TBC1D15: variants seen among roughly 807,000 people sequenced by gnomAD.
TBC1D15 encodes the protein GAP for RAB7.
In TBC1D15, 39 loss-of-function variants were observed where a neutral mutation model predicts 95.4. The observed-to-expected ratio is 0.41, with a 90% confidence interval of 0.32 to 0.53. The LOEUF is 0.53. Ranked by LOEUF, TBC1D15 falls within the 20% of genes least tolerant of loss-of-function variation. The probability of loss-of-function intolerance (pLI) is 0.29; values close to 1 mark genes in which losing one functional copy is unlikely to be tolerated. For synonymous variants in TBC1D15, 258 were observed against 261.3 expected, an observed-to-expected ratio of 0.99 and a Z score of 0.12; for missense variants, 733 against 794.3, an observed-to-expected ratio of 0.92 and a Z score of 0.93.
chr12:71,897,848 G>T lies in TBC1D15; in HGVS notation c.1090G>T (p.Asp364Tyr). The T allele has an allele frequency of 1.9e-6, 3 of 1,610,720 alleles. No individual in the cohort carries two copies. Among genetic ancestry groups the T allele is most frequent in the Non-Finnish European group, 2.5e-6 (3 of 1,177,578 alleles). ...TTGATGTCAAATTGTTTTCTATAGT[G>T]ATGAATACTTCAGAATGAAACTGCA... ...ERTQLQKQKT[D>Y]EYFRMKLQWK... The change falls in exon 10 of 17, where the codon GAT becomes TAT. Residue 364 changes from aspartate (D) to tyrosine (Y), a missense_variant and splice_region_variant. Physicochemically the swap from Asp to Tyr is radical, Grantham distance 160. Coordinates refer to ENST00000485960, the MANE Select transcript of TBC1D15 (RefSeq NM_001146213.3).
rs1359029892 is a variant in TBC1D15, at chr12:71,854,415, C to T, written c.30+14604C>T. On this transcript the variant is annotated intron_variant, in intron 1 of 16. Coordinates refer to ENST00000485960, the MANE Select transcript of TBC1D15 (RefSeq NM_001146213.3). ...CTATCTCTTCTGTACATCTTTTTTC[C>T]CCTTCAATCGTAGGCTGAATGTTTG... is the stretch of plus-strand genomic sequence containing the variant. The T allele has an allele frequency of 1.7e-5, 6 of 359,732 alleles. No homozygotes were observed. The East Asian group carries it at 3.7e-4, about 22-fold the overall frequency. The allele number at this position is 359,732 out of a possible 1,614,324, so 22.3% of individuals were successfully genotyped here.
intron 1 of TBC1D15, chr12:71,861,380 A>G: frequency 1.5e-6 from 2 of 1,302,022 alleles, no homozygotes; most frequent in Non-Finnish European, 2.0e-6. Flanking sequence ...ATTCAAACTT[A>G]CTGTACTGTA....
intron 1 of TBC1D15, among the ~76,000 whole-genome samples, chr12:71,844,700 A>G (rs1480787733): frequency 6.6e-6 from 1 of 152,198 alleles, no homozygotes; most frequent in Non-Finnish European, 1.5e-5. Context: ...ATTTACACCT[A>G]GTAGCTTGCT....
intron 6 of TBC1D15, chr12:71,894,180 C>A (rs1897734499): frequency 3.0e-6 from 2 of 672,350 alleles, no homozygotes; most frequent in Admixed American, 2.9e-5. Flanking sequence ...ATAAATTATT[C>A]TTGTTGGCAT....
At chr12:71,911,940 A>G (rs147207542) in intron 11 of TBC1D15, among the ~76,000 whole-genome samples, 3 of 152,310 alleles carry the variant, frequency 2.0e-5, no homozygotes, top group African/African-American at 7.2e-5. Flanking sequence ...AGGAATTTTT[A>G]TTCATTATAA....
At chr12:71,873,098 T>C (rs551532786) in intron 3 of TBC1D15, 95 bp downstream of exon 3, 18 of 815,236 alleles carry the variant, frequency 2.2e-5, no homozygotes, top group East Asian at 2.1e-4. Context: ...TGCATCCTTT[T>C]AAAGCATACA....
chr12:71,878,012 G>T (rs1265213475), intron 3 of TBC1D15, among the ~76,000 whole-genome samples: 1 of 152,182 alleles, frequency 6.6e-6, no homozygotes, highest in African/African-American at 2.4e-5. Flanking sequence ...TTCCTGGGGT[G>T]CATGGCTAAG....
chr12:71,897,995 T>G, intron 10 of TBC1D15, 54 bp downstream of exon 10: 1 of 1,337,094 alleles, frequency 7.5e-7, no homozygotes. Flanking sequence ...ATTGAAATCT[T>G]GATAAGAGTA....
chr12:71,873,087 A>C, intron 3 of TBC1D15, 84 bp downstream of exon 3: 1 of 924,984 alleles, frequency 1.1e-6, no homozygotes, highest in Non-Finnish European at 1.7e-6. Flanking sequence ...ATACCATAAA[A>C]TGCATCCTTT....
At chr12:71,885,068 T>A in intron 5 of TBC1D15, 47 bp downstream of exon 5, 1 of 1,584,988 alleles carries the variant, frequency 6.3e-7, no homozygotes, top group South Asian at 1.1e-5. Context: ...ATCATTGTAT[T>A]AATCCCAAAG....
At chr12:71,849,236 A>C (rs1234305680) in intron 1 of TBC1D15, 1 of 569,038 alleles carries the variant, frequency 1.8e-6, no homozygotes, top group Non-Finnish European at 3.1e-6. Context: ...GTTTGTTAGG[A>C]TACTCCTGCC....
chr12:71,894,679 T>C lies in TBC1D15; in HGVS notation c.658-7T>C. The C allele has an allele frequency of 6.2e-7, 1 of 1,607,072 alleles. No homozygotes were observed. The highest frequency in any genetic ancestry group is 8.5e-7 in the Non-Finnish European group (1 of 1,177,152). On this transcript the variant is annotated splice_region_variant and splice_polypyrimidine_tract_variant and intron_variant, in intron 6 of 16. Transcript: ENST00000485960. ...ATAATGCTAATATTTTTCTTCCTAC[T>C]GCATAGAAAATTAAAAAGGACCCTT...
At chr12:71,872,010 A>T in intron 1 of TBC1D15, 60 bp from the exon 2 acceptor site, 1 of 684,762 alleles carries the variant, frequency 1.5e-6, no homozygotes, top group Non-Finnish European at 2.3e-6. Context: ...TTAATATTTT[A>T]ACATGTTAAA....
chr12:71,911,847 T>G (rs779896692), intron 11 of TBC1D15, among the ~76,000 whole-genome samples: 2 of 152,032 alleles, frequency 1.3e-5, no homozygotes, highest in Non-Finnish European at 2.9e-5. Context: ...ATTTGACAAC[T>G]TGCTTCAGCT....
At chr12:71,854,426 T>C (rs573124019) in intron 1 of TBC1D15, 2 of 390,968 alleles carry the variant, frequency 5.1e-6, no homozygotes, top group East Asian at 1.4e-4. Context: ...CCTTCAATCG[T>C]AGGCTGAATG....
intron 3 of TBC1D15, among the ~76,000 whole-genome samples, chr12:71,879,039 G>A (rs1894575905): frequency 6.6e-6 from 1 of 151,322 alleles, no homozygotes. Context: ...TTATACTATT[G>A]ACACATGAAT....
At chr12:71,840,107 CT>C (rs1292368220) in intron 1 of TBC1D15, among the ~76,000 whole-genome samples, 1 of 152,182 alleles carries the variant, frequency 6.6e-6, no homozygotes, top group Admixed American at 6.5e-5. Context: ...TCTCTAGTTC[CT>C]TTTTTCCCCC....
chr12:71,872,102 C>A lies in TBC1D15; in HGVS notation c.63C>A (p.His21Gln). The change falls in exon 2 of 17, where the codon CAC (histidine) becomes CAA (glutamine). Residue 21 changes from histidine (H) to glutamine (Q), a missense_variant. Transcript: ENST00000485960. ...IIYEQEGVYI[H>Q]SSCGKTNDQD... ...ATGAACAAGAAGGAGTATATATTCA[C>A]TCATCTTGTGGAAAGACCAATGACC... 1 of 1,568,052 alleles carries A rather than the reference C, an allele frequency of 6.4e-7. No individual in the cohort carries two copies.
At chr12:71,850,984 C>CAAA (rs1206992856) in intron 1 of TBC1D15, among the ~76,000 whole-genome samples, 158 of 46,892 alleles carry the variant, frequency 3.4e-3, no homozygotes, top group African/African-American at 7.7e-3. Flanking sequence ...CACTCCATCT[C>CAAA]AAAAAAAAAA....
Sources: gnomAD v4.1 joint callset for allele counts (sites outside exome capture counted in the v4.1 genomes callset) on GRCh38, gnomAD v4.1.1 for gene constraint, MANE v1.5 for transcripts, NCBI Gene and HGNC (gene_info 2026-07-23, HGNC 2026-07-21) for gene names.